PPP4C: variants seen among roughly 807,000 people sequenced by gnomAD.
The protein encoded by PPP4C is protein phosphatase 4 catalytic subunit.
In PPP4C, 10 loss-of-function variants were observed where a neutral mutation model predicts 40.5. That is an observed-to-expected ratio of 0.25 (90% CI 0.15 to 0.42). The LOEUF (loss-of-function observed/expected upper bound fraction) is 0.42. Ranked by LOEUF, PPP4C falls within the 10% of genes least tolerant of loss-of-function variation. PPP4C has a pLI of 1.00. For synonymous variants in PPP4C, 187 were observed against 163.6 expected (o/e 1.14, Z -1.09); for missense variants, 191 against 416.4 (o/e 0.46, Z 4.71).
chr16:30,082,454 A>G (rs2072528525), intron 3 of PPP4C, 30 bp from the exon 4 acceptor site: 10 of 1,606,060 alleles, frequency 6.2e-6, no homozygotes, highest in Non-Finnish European at 8.5e-6. Flanking sequence ...CCACTGCTTG[A>G]GTTCCAACCC....
In PPP4C at chr16:30,076,420, C is replaced by T. The variant is rs2072397500; in HGVS notation, c.43C>T (p.Arg15Cys). Residue 15 changes from arginine to cysteine, a missense_variant, in exon 2 of 9, where the codon CGT (arginine) becomes TGT (cysteine). This residue lies in a region of PPP4C where 171 missense variants were observed against 352.4 expected (regional missense o/e 0.49). Transcript: ENST00000279387. ...CCTGGACCGGCAGATCGAGCAGCTGCGTCGCTGCGAGCTCATCAAGGAGAG... is the reference window on the plus strand; with the variant it reads ...CCTGGACCGGCAGATCGAGCAGCTGTGTCGCTGCGAGCTCATCAAGGAGAG... Reference protein sequence around the residue: ...SDLDRQIEQLRRCELIKESEV... With the variant: ...SDLDRQIEQLCRCELIKESEV... 1 of 1,613,272 alleles carries T rather than the reference C, an allele frequency of 6.2e-7. No individual in the cohort carries two copies. The highest frequency in any genetic ancestry group is 1.3e-5 in the African/African-American group (1 of 74,946).
At chr16:30,080,621 C>T (rs907690368) in intron 2 of PPP4C, among the ~76,000 whole-genome samples, 1 of 151,520 alleles carries the variant, frequency 6.6e-6, no homozygotes, top group Non-Finnish European at 1.5e-5. Context: ...ATTCTCCTGC[C>T]TCAGCCTCCC....
chr16:30,077,160 AG>A (rs1205044652), intron 2 of PPP4C, among the ~76,000 whole-genome samples: 3 of 152,176 alleles, frequency 2.0e-5, no homozygotes, highest in Non-Finnish European at 4.4e-5. Flanking sequence ...TTAAGGCTCT[AG>A]GTTTTGCAGT....
chr16:30,078,848 G>T (rs929476639), intron 2 of PPP4C, among the ~76,000 whole-genome samples: 1 of 152,252 alleles, frequency 6.6e-6, no homozygotes, highest in Non-Finnish European at 1.5e-5. Flanking sequence ...ATGACATGCA[G>T]TTGAGAGTCC....
rs756516085 is a variant in PPP4C, at chr16:30,083,722, G to A, written c.545G>A (p.Arg182Gln). ...QTLDQIRTIDRKQEVPHDGPM... is the reference protein window; with the variant it reads ...QTLDQIRTIDQKQEVPHDGPM... ...CTGGATCAGATTCGGACAATCGACC[G>A]AAAGCAAGAGGTGCCTCATGATGGG... The change falls in exon 7 of 9, where the codon CGA becomes CAA. Residue 182 changes from arginine (R) to glutamine (Q), a missense_variant. Coordinates refer to ENST00000279387, the MANE Select transcript of PPP4C (RefSeq NM_002720.3). The surrounding 1 kb of genome is among the most constrained non-coding windows in gnomAD (Gnocchi z 6.3). 2 of 1,614,024 alleles carry A rather than the reference G, an allele frequency of 1.2e-6. No individual in the cohort carries two copies. Among genetic ancestry groups the A allele is most frequent in the African/African-American group, 1.3e-5 (1 of 74,922 alleles).
At chr16:30,084,588 TGCTCACC>T (rs2072582781) in intron 7 of PPP4C, 71 bp from the exon 8 acceptor site, 9 of 1,378,378 alleles carry the variant, frequency 6.5e-6, no homozygotes, top group Admixed American at 5.3e-5. Flanking sequence ...GGGGCCAGGC[TGCTCACC>T]CTCAAGGGGC....
At chr16:30,081,355 C>T (rs772826323) in intron 3 of PPP4C, 45 bp downstream of exon 3, 2 of 1,534,072 alleles carry the variant, frequency 1.3e-6, no homozygotes, top group East Asian at 2.3e-5. Flanking sequence ...GTCTTTCAGG[C>T]ACATGAAGTT....
At chr16:30,084,171 C>T (rs11863129) in intron 7 of PPP4C, among the ~76,000 whole-genome samples, 14,890 of 152,254 alleles carry the variant, frequency 0.098, 1,060 homozygotes, top group African/African-American at 0.19. Context: ...CAGGCACACA[C>T]GCACAGGCAG....
chr16:30,080,810 C>T (rs934760829), intron 2 of PPP4C, among the ~76,000 whole-genome samples: 4 of 152,170 alleles, frequency 2.6e-5, no homozygotes, highest in Admixed American at 6.5e-5. Context: ...TGGCCAAGAG[C>T]GCATCACTTT....
intron 1 of PPP4C, 70 bp from the exon 2 acceptor site, chr16:30,076,245 C>T (rs1196063864): frequency 2.2e-6 from 2 of 914,688 alleles, no homozygotes; most frequent in African/African-American, 1.7e-5. Context: ...CGGGCCGGCT[C>T]TAGAATCGAG....
chr16:30,079,919 C>A (rs2072472272), intron 2 of PPP4C, among the ~76,000 whole-genome samples: 1 of 152,188 alleles, frequency 6.6e-6, no homozygotes, highest in Non-Finnish European at 1.5e-5. Flanking sequence ...TCAATTTCTT[C>A]ATCTGTGTAC....
intron 3 of PPP4C, 37 bp from the exon 4 acceptor site, chr16:30,082,447 C>G (rs1443178504): frequency 6.3e-7 from 1 of 1,595,044 alleles, no homozygotes; most frequent in African/African-American, 1.3e-5. Flanking sequence ...GCAACTCCCA[C>G]TGCTTGAGTT....
Position 30,083,288 on chromosome 16 carries a change from T to TG in PPP4C, c.304-103dup, listed in dbSNP as rs1246726681. 5 of 1,297,992 alleles carry TG rather than the reference T, an allele frequency of 3.9e-6. No homozygotes were observed. Among genetic ancestry groups the TG allele is most frequent in the Non-Finnish European group, 5.4e-6 (5 of 929,032 alleles). The allele number at this position is 1,297,992 out of a possible 1,614,324, so 80.4% of individuals were successfully genotyped here. Reference sequence around the variant, plus strand: ...CAGGCAAGAGGTGCCAGGAGTGTGCTGGGCAGTGGTTGTGAGGATGGCAGG... The same window carrying TG: ...CAGGCAAGAGGTGCCAGGAGTGTGCTGGGGCAGTGGTTGTGAGGATGGCAGG... On this transcript the variant is annotated intron_variant, in intron 5 of 8. Transcript: ENST00000279387. This position sits in a 1 kb window ranked among gnomAD's most constrained non-coding sequence, Gnocchi z 6.3.
Position 30,083,987 on chromosome 16 carries a change from C to G in PPP4C, c.604+206C>G, listed in dbSNP as rs1315619505. 1.3e-5 allele frequency among the ~76,000 whole-genome samples: 2 copies of G among 152,236 alleles called. No homozygotes were observed. Among genetic ancestry groups the G allele is most frequent in the Non-Finnish European group, 2.9e-5 (2 of 68,030 alleles). On this transcript the variant is annotated intron_variant, in intron 7 of 8. Transcript: ENST00000279387. This position sits in a 1 kb window ranked among gnomAD's most constrained non-coding sequence, Gnocchi z 6.3. ...AGAGGGCTGTGGAGGACAACCAAGT[C>G]ATGGCTCCCTGAAGTGAAGGGGCCT...
At position 30,075,996 on chromosome 16, in the gene PPP4C, C is replaced by A; in HGVS notation, c.-162C>A. The A allele has an allele frequency of 2.9e-6, 1 of 343,204 alleles. No individual in the cohort carries two copies. Among genetic ancestry groups the A allele is most frequent in the East Asian group, 8.1e-5 (1 of 12,300 alleles). The allele number at this position is 343,204 out of a possible 1,614,324, so 21.3% of individuals were successfully genotyped here. On this transcript the variant is annotated 5_prime_UTR_variant, in exon 1 of 9. Coordinates refer to ENST00000279387, the MANE Select transcript of PPP4C (RefSeq NM_002720.3). ...GCCTCCTTTGCTTCCGCGGCGGGGC[C>A]GGAAGTAGGAGCGGCGGCGGCGGCG...
chr16:30,078,191 A>AGTC (rs1316455607), intron 2 of PPP4C, among the ~76,000 whole-genome samples: 5 of 152,204 alleles, frequency 3.3e-5, no homozygotes, highest in Non-Finnish European at 5.9e-5. Context: ...AATAGCAGGA[A>AGTC]GTCGTATATT....
chr16:30,078,469 C>T (rs963956565), intron 2 of PPP4C, among the ~76,000 whole-genome samples: 6 of 152,172 alleles, frequency 3.9e-5, no homozygotes, highest in Non-Finnish European at 8.8e-5. Context: ...GGGTCCTGCC[C>T]AGTTGAAACT....
At chr16:30,080,344 CAAAAAAAA>C (rs766436567) in intron 2 of PPP4C, among the ~76,000 whole-genome samples, 1 of 45,336 alleles carries the variant, frequency 2.2e-5, no homozygotes, top group Non-Finnish European at 4.5e-5. Context: ...GACTCTGTCT[CAAAAAAAA>C]AAAAAAAAAA....
intron 3 of PPP4C, 83 bp from the exon 4 acceptor site, chr16:30,082,401 T>C: frequency 7.2e-7 from 1 of 1,386,144 alleles, no homozygotes; most frequent in Non-Finnish European, 1.0e-6. Context: ...GTGATAAAGC[T>C]CACTAAAGCA....
Sources: allele counts gnomAD v4.1 joint callset (sites outside exome capture counted in the v4.1 genomes callset), GRCh38; gene constraint gnomAD v4.1.1; regional missense constraint gnomAD v4.1.1; non-coding constraint Gnocchi (gnomAD v3.1); transcripts MANE v1.5; gene names NCBI Gene and HGNC (gene_info 2026-07-23, HGNC 2026-07-21).